Variants in CTDSPL2 observed in about 807,000 individuals in gnomAD.
The protein encoded by CTDSPL2 is CTD small phosphatase like 2.
CTDSPL2 carries 5 observed loss-of-function variants against 60.0 expected under a neutral mutation model. The ratio of observed to expected loss-of-function variants is 0.08; its 90% CI spans 0.04 to 0.18. The LOEUF (loss-of-function observed/expected upper bound fraction) is 0.18, where lower values mean the gene tolerates loss of function less well. Among genes scored for constraint, CTDSPL2 ranks in the 10% least tolerant of loss-of-function variants. CTDSPL2 has a pLI of 1.00. For missense variants in CTDSPL2, 370 were observed against 548.8 expected (o/e 0.67, Z 3.26); for synonymous variants, 186 against 189.3 (o/e 0.98, Z 0.14).
intron 5 of CTDSPL2, among the ~76,000 whole-genome samples, chr15:44,493,924 T>C (rs2081256400): frequency 6.6e-6 from 1 of 152,140 alleles, no homozygotes; most frequent in Non-Finnish European, 1.5e-5. Context: ...TGAAAAAAAA[T>C]TCTGCTTTAC....
chr15:44,467,968 A>G (rs2080730433), intron 2 of CTDSPL2, among the ~76,000 whole-genome samples: 1 of 151,986 alleles, frequency 6.6e-6, no homozygotes, highest in Admixed American at 6.6e-5. Flanking sequence ...TTTTTTAAGA[A>G]TTTTTGTATC....
intron 12 of CTDSPL2, among the ~76,000 whole-genome samples, chr15:44,522,709 C>T (rs968297064): frequency 3.3e-5 from 5 of 152,076 alleles, no homozygotes; most frequent in African/African-American, 1.2e-4. Flanking sequence ...GCCGAGATTG[C>T]ACCACTGCAC....
intron 1 of CTDSPL2, among the ~76,000 whole-genome samples, chr15:44,443,546 A>G (rs984644961): frequency 8.5e-5 from 13 of 152,170 alleles, no homozygotes; most frequent in Non-Finnish European, 1.5e-4. Flanking sequence ...TAATTTCTCC[A>G]CATTCTTGCC....
chr15:44,440,431 G>A (rs1427705852), intron 1 of CTDSPL2, among the ~76,000 whole-genome samples: 4 of 151,982 alleles, frequency 2.6e-5, no homozygotes, highest in African/African-American at 9.7e-5. Context: ...CCTGACCTCA[G>A]GTGATCTGCC....
At chr15:44,485,165 C>T (rs891728742) in intron 3 of CTDSPL2, among the ~76,000 whole-genome samples, 1 of 152,094 alleles carries the variant, frequency 6.6e-6, no homozygotes, top group African/African-American at 2.4e-5. Flanking sequence ...AGGTGGATGT[C>T]AGAGATGTTA....
intron 1 of CTDSPL2, among the ~76,000 whole-genome samples, chr15:44,444,583 C>T (rs1276897299): frequency 2.0e-5 from 3 of 151,560 alleles, no homozygotes; most frequent in Admixed American, 6.6e-5. Context: ...TGAGCTCAGG[C>T]GATCTACCCT....
At position 44,429,086 on chromosome 15, in the gene CTDSPL2, C is replaced by A. The variant is rs545728995; in HGVS notation, c.-25+1314C>A. ...CTCAGGTTTTCAGTTCTGGATAGGT[C>A]CAGTTTAGAGAATTTCACTATTGTT... On this transcript the variant is annotated intron_variant, in intron 1 of 12. Transcript: ENST00000260327. Among the ~76,000 whole-genome samples, 9 of 152,094 alleles carry A rather than the reference C, an allele frequency of 5.9e-5. No individual in the cohort carries two copies. The East Asian group carries it at 1.7e-3, about 29-fold the overall frequency.
intron 1 of CTDSPL2, among the ~76,000 whole-genome samples, chr15:44,457,602 G>T (rs1030990004): frequency 1.5e-4 from 23 of 152,018 alleles, no homozygotes; most frequent in Admixed American, 5.9e-4. Context: ...TTTTGGTTGG[G>T]GGGGGTGGTG....
At chr15:44,523,442 A>AAG (rs1567108602) in intron 12 of CTDSPL2, among the ~76,000 whole-genome samples, 20 of 148,718 alleles carry the variant, frequency 1.3e-4, no homozygotes, top group Admixed American at 5.4e-4. Flanking sequence ...ATACATACAT[A>AAG]CATAAGCAAG....
intron 2 of CTDSPL2, among the ~76,000 whole-genome samples, chr15:44,459,904 TAAAG>T (rs1479113896): frequency 1.3e-5 from 2 of 152,040 alleles, no homozygotes; most frequent in Admixed American, 1.3e-4. Flanking sequence ...GAAAAGAACA[TAAAG>T]AAAGAATGGA....
intron 1 of CTDSPL2, among the ~76,000 whole-genome samples, chr15:44,434,094 AT>A (rs966479118): frequency 1.3e-5 from 2 of 151,462 alleles, no homozygotes; most frequent in African/African-American, 4.9e-5. Flanking sequence ...TTATTTATTT[AT>A]TTTTTTCTTA....
chr15:44,431,203 C>T (rs1489587790), intron 1 of CTDSPL2, among the ~76,000 whole-genome samples: 1 of 151,402 alleles, frequency 6.6e-6, no homozygotes, highest in Non-Finnish European at 1.5e-5. Context: ...TCAAGTGATT[C>T]TCCCTCCTTA....
At chr15:44,521,019 ATATTT>A in intron 11 of CTDSPL2, 1 of 171,978 alleles carries the variant, frequency 5.8e-6, no homozygotes, top group East Asian at 1.6e-4. Context: ...GAATAATGGA[ATATTT>A]TATTTATATT....
chr15:44,523,960 C>G (rs916645130), intron 12 of CTDSPL2, 149 bp from the exon 13 acceptor site: 1 of 603,114 alleles, frequency 1.7e-6, no homozygotes, highest in African/African-American at 1.9e-5. Flanking sequence ...TTAAATTTAA[C>G]TGCATCTGTG....
At chr15:44,502,319 C>T (rs890603138) in intron 8 of CTDSPL2, among the ~76,000 whole-genome samples, 1 of 151,858 alleles carries the variant, frequency 6.6e-6, no homozygotes, top group African/African-American at 2.4e-5. Context: ...GGAGTGTCCT[C>T]TTGGGACTTA....
intron 7 of CTDSPL2, among the ~76,000 whole-genome samples, chr15:44,498,115 A>G (rs2081331647): frequency 6.6e-6 from 1 of 152,112 alleles, no homozygotes; most frequent in Non-Finnish European, 1.5e-5. Context: ...ATTTCTTATT[A>G]ATTTTGCATT....
At chr15:44,516,040 G>C (rs1329103655) in intron 10 of CTDSPL2, among the ~76,000 whole-genome samples, 1 of 145,078 alleles carries the variant, frequency 6.9e-6, no homozygotes, top group Non-Finnish European at 1.5e-5. Flanking sequence ...CTGGAGTGCA[G>C]TTTGCAATCT....
chr15:44,449,539 C>G (rs1840718091), intron 1 of CTDSPL2, among the ~76,000 whole-genome samples: 1 of 152,036 alleles, frequency 6.6e-6, no homozygotes, highest in Non-Finnish European at 1.5e-5. Flanking sequence ...CCATGTTGGC[C>G]AGGCTGGTCT....
rs927650097 is a variant in CTDSPL2 at position 44,527,299 on chromosome 15, A to C, written c.*3125A>C. The C allele has an allele frequency of 6.6e-6, 1 of 152,392 alleles. No individual in the cohort carries two copies. The allele number at this position is 152,392 out of a possible 1,614,324, so 9.4% of individuals were successfully genotyped here. On this transcript the variant is annotated 3_prime_UTR_variant, in exon 13 of 13. Coordinates refer to ENST00000260327, the MANE Select transcript of CTDSPL2 (RefSeq NM_016396.3). ...TTTGTTTTTTTTTCCAAGGGTTAAC[A>C]TAGAATGTTTTTTTTAAAAAATTAT...
Sources: gnomAD v4.1 joint callset for allele counts (sites outside exome capture counted in the v4.1 genomes callset) on GRCh38, gnomAD v4.1.1 for gene constraint, MANE v1.5 for transcripts, NCBI Gene and HGNC (gene_info 2026-07-23, HGNC 2026-07-21) for gene names.